The following LOC400499 variants were observed in gnomAD, a reference collection of about 807,000 sequenced individuals.
chr16:11,385,032 C>G, the LOC400499 span: 2 of 1,231,878 alleles, frequency 1.6e-6, no homozygotes, highest in African/African-American at 3.1e-5. Flanking sequence ...GGACAACTGT[C>G]CCCCGGCAGG....
chr16:11,477,525 G>C, the LOC400499 span, among the ~76,000 whole-genome samples: 2 of 152,224 alleles, frequency 1.3e-5, no homozygotes, highest in African/African-American at 2.4e-5. Flanking sequence ...GTGAGCTCAA[G>C]GCTACCTCCT....
the LOC400499 span, among the ~76,000 whole-genome samples, chr16:11,375,886 T>A: frequency 6.6e-6 from 1 of 152,126 alleles, no homozygotes; most frequent in Non-Finnish European, 1.5e-5. Flanking sequence ...TGCACCACCA[T>A]GCCCAGCTAA....
At chr16:11,480,583 C>T in the LOC400499 span, among the ~76,000 whole-genome samples, 5 of 152,166 alleles carry the variant, frequency 3.3e-5, no homozygotes, top group African/African-American at 4.8e-5. Flanking sequence ...AAAATACCTG[C>T]GAATGGTGAG....
the LOC400499 span, chr16:11,385,411 C>A: frequency 8.1e-7 from 1 of 1,232,264 alleles, no homozygotes; most frequent in East Asian, 3.2e-5. Context: ...GCCACCAGGG[C>A]ATGGTCTGGG....
the LOC400499 span, among the ~76,000 whole-genome samples, chr16:11,492,549 C>G: frequency 2.0e-5 from 3 of 151,830 alleles, no homozygotes; most frequent in African/African-American, 7.3e-5. Flanking sequence ...TTTTGGGAAG[C>G]CGAGCTGGGA....
chr16:11,441,780 C>T, the LOC400499 span, among the ~76,000 whole-genome samples: 2 of 152,098 alleles, frequency 1.3e-5, no homozygotes, highest in East Asian at 3.9e-4. Context: ...GCAGCTTCCA[C>T]AAGCTGGAAA....
the LOC400499 span, chr16:11,387,207 C>T: frequency 1.6e-6 from 2 of 1,232,286 alleles, no homozygotes; most frequent in Non-Finnish European, 2.0e-6. Flanking sequence ...AGCAGCTTCT[C>T]CTCCATGAGG....
At chr16:11,506,752 G>C in the LOC400499 span, among the ~76,000 whole-genome samples, 1 of 152,196 alleles carries the variant, frequency 6.6e-6, no homozygotes, top group Non-Finnish European at 1.5e-5. Context: ...TCCTGGTTTT[G>C]TTTCCAGACT....
chr16:11,409,224 GC>G, the LOC400499 span, among the ~76,000 whole-genome samples: 14 of 152,010 alleles, frequency 9.2e-5, no homozygotes, highest in African/African-American at 3.1e-4. Context: ...TCACGCCTCT[GC>G]ACTCCAGCGT....
chr16:11,434,541 C>A, the LOC400499 span, among the ~76,000 whole-genome samples: 2 of 152,122 alleles, frequency 1.3e-5, no homozygotes, highest in Non-Finnish European at 2.9e-5. Context: ...CAGTTAGTGT[C>A]CACCAGAGAA....
chr16:11,477,825 G>A, the LOC400499 span: 51,110 of 398,862 alleles, frequency 0.13, 3,577 homozygotes, highest in Middle Eastern at 0.15. Context: ...AGATACCTGG[G>A]CTTGACATAA....
the LOC400499 span, chr16:11,518,770 G>A: frequency 2.5e-6 from 1 of 397,064 alleles, no homozygotes; most frequent in Non-Finnish European, 4.4e-6. Flanking sequence ...GCTACAGAGA[G>A]GTCACCCTAA....
chr16:11,516,000 T>C, the LOC400499 span: 3 of 399,520 alleles, frequency 7.5e-6, no homozygotes, highest in Admixed American at 1.3e-4. Flanking sequence ...GCCAGGTCCT[T>C]TGTCTTGTGT....
chr16:11,471,479 T>C, the LOC400499 span: 3 of 395,778 alleles, frequency 7.6e-6, no homozygotes, highest in African/African-American at 2.1e-5. Flanking sequence ...TAATGCATCA[T>C]ACAGCCCCAG....
At chr16:11,413,937 G>C in the LOC400499 span, among the ~76,000 whole-genome samples, 1 of 152,188 alleles carries the variant, frequency 6.6e-6, no homozygotes, top group African/African-American at 2.4e-5. Context: ...ACATCGGAGA[G>C]GGCCTTGGTA....
the LOC400499 span, among the ~76,000 whole-genome samples, chr16:11,463,021 G>T: frequency 1.3e-5 from 2 of 152,164 alleles, no homozygotes; most frequent in Non-Finnish European, 2.9e-5. Context: ...CACGTCGAAT[G>T]ATGGCACACT....
the LOC400499 span, chr16:11,442,446 C>T: frequency 1.3e-5 from 2 of 152,162 alleles, no homozygotes; most frequent in East Asian, 1.9e-4. Flanking sequence ...TGGTCTCGAA[C>T]TCCTGACCTC....
chr16:11,448,090 G>A, the LOC400499 span: 5 of 1,531,888 alleles, frequency 3.3e-6, no homozygotes, highest in Non-Finnish European at 3.5e-6. Flanking sequence ...CAAGATCCAG[G>A]CTGAAGAGAG....
At chr16:11,425,344 T>C in the LOC400499 span, 2 of 399,248 alleles carry the variant, frequency 5.0e-6, no homozygotes, top group South Asian at 1.3e-4. Flanking sequence ...CAGGTCACGC[T>C]GCGCACGCTG....
Sources: allele counts gnomAD v4.1 joint callset (sites outside exome capture counted in the v4.1 genomes callset), GRCh38; gene constraint gnomAD v4.1.1; transcripts MANE v1.5.